The following ARHGAP10 variants were observed in gnomAD, a reference collection of about 807,000 sequenced individuals.
ARHGAP10 encodes Rho GTPase activating protein 10.
In ARHGAP10, 87 loss-of-function variants were observed where a neutral mutation model predicts 108.6. The ratio of observed to expected loss-of-function variants is 0.80; its 90% confidence interval spans 0.67 to 0.96. ARHGAP10 has a LOEUF of 0.96. Among genes scored for constraint, ARHGAP10 ranks in the 40% least tolerant of loss-of-function variants. The pLI, the probability that ARHGAP10 is intolerant of heterozygous loss-of-function variation, is 0.00. For synonymous variants in ARHGAP10, 347 were observed against 341.1 expected, an observed-to-expected ratio of 1.02 and a Z score of -0.19; for missense variants, 939 against 954.5, an observed-to-expected ratio of 0.98 and a Z score of 0.21.
chr4:147,893,494 T>C (rs1268752468), intron 10 of ARHGAP10, among the ~76,000 whole-genome samples: 1 of 147,684 alleles, frequency 6.8e-6, no homozygotes, highest in African/African-American at 2.5e-5. Context: ...GAAATACATA[T>C]TTCAATAAAA....
At chr4:147,812,446 A>G (rs1337599115) in intron 1 of ARHGAP10, among the ~76,000 whole-genome samples, 2 of 151,822 alleles carry the variant, frequency 1.3e-5, no homozygotes, top group East Asian at 3.9e-4. Flanking sequence ...CAGCACATTC[A>G]TTTTCTAACA....
chr4:147,907,704 C>A (rs1356623504), intron 11 of ARHGAP10, among the ~76,000 whole-genome samples: 1 of 152,100 alleles, frequency 6.6e-6, no homozygotes, highest in Non-Finnish European at 1.5e-5. Flanking sequence ...AAAATGAAAA[C>A]CTAAATTAAC....
chr4:147,971,469 G>A (rs1276234363), intron 18 of ARHGAP10, among the ~76,000 whole-genome samples: 1 of 152,126 alleles, frequency 6.6e-6, no homozygotes, highest in Non-Finnish European at 1.5e-5. Context: ...AGAAAGTGGC[G>A]GAGACTTCAG....
chr4:148,068,193 T>TGG lies in ARHGAP10; in HGVS notation c.2272+3688_2272+3689dup, dbSNP rs1272632582. Among the ~76,000 whole-genome samples, 3 of 152,120 alleles carry TGG rather than the reference T, an allele frequency of 2.0e-5. No homozygotes were observed. In the East Asian group the frequency reaches 5.8e-4, roughly 30 times the overall value. On this transcript the variant is annotated intron_variant, in intron 22 of 22. Transcript: ENST00000336498. The stretch of plus-strand genomic sequence containing the variant: ...GTGGTTGCCTCCTCAGGGGCAGGGT[T>TGG]GGGAGGGGTGCTGAGGCAGGTGGTT...
At chr4:147,978,789 A>C (rs1376952724) in intron 18 of ARHGAP10, among the ~76,000 whole-genome samples, 1 of 152,074 alleles carries the variant, frequency 6.6e-6, no homozygotes, top group Non-Finnish European at 1.5e-5. Flanking sequence ...TTGTGGTTTC[A>C]ATTTGCATTT....
Position 147,884,635 on chromosome 4 carries a change from CAG to C in ARHGAP10, c.1034+2706_1034+2707del, listed in dbSNP as rs573340124. 1.3e-3 allele frequency among the ~76,000 whole-genome samples: 204 copies of C among 152,252 alleles called. 1 individual carries two copies. Among genetic ancestry groups the C allele is most frequent in the Non-Finnish European group, 2.6e-3 (178 of 68,024 alleles). ...GTTTAGGTGGCTAAATAAAGGCACACAGAGGATCTGACATCTAAATTCATAAA... is the reference window on the plus strand; with the variant it reads ...GTTTAGGTGGCTAAATAAAGGCACACAGGATCTGACATCTAAATTCATAAA... On this transcript the variant is annotated intron_variant, in intron 10 of 22. Coordinates refer to ENST00000336498, the MANE Select transcript of ARHGAP10 (RefSeq NM_024605.4).
chr4:147,966,833 T>C lies in ARHGAP10; in HGVS notation c.1710T>C (p.His570=), dbSNP rs764347225. The C allele has an allele frequency of 2.5e-6, 4 of 1,572,846 alleles. No homozygotes were observed. The highest frequency in any genetic ancestry group is 2.3e-5 in the East Asian group (1 of 44,266). Residue 570 remains histidine, a synonymous_variant, in exon 18 of 23, where the codon CAT becomes CAC. Transcript: ENST00000336498. ...NIVVEILIEN[H]EKIFRTPPDT... The stretch of plus-strand genomic sequence containing the variant: ...TTGTGGAAATCTTAATTGAAAACCA[T>C]GAAAAGGTAAAATTTTTTTTTTCTT...
At chr4:147,894,954 C>T (rs1262111004) in intron 10 of ARHGAP10, among the ~76,000 whole-genome samples, 1 of 152,146 alleles carries the variant, frequency 6.6e-6, no homozygotes, top group African/African-American at 2.4e-5. Flanking sequence ...GTCCTCTGTT[C>T]TTTTTAAAAC....
At chr4:148,033,304 T>C (rs1373721094) in intron 19 of ARHGAP10, among the ~76,000 whole-genome samples, 6 of 152,252 alleles carry the variant, frequency 3.9e-5, no homozygotes, top group Non-Finnish European at 8.8e-5. Flanking sequence ...TGCAGATGTC[T>C]TACTCATCAC....
At chr4:147,828,780 C>G (rs1394506427) in intron 3 of ARHGAP10, among the ~76,000 whole-genome samples, 1 of 152,076 alleles carries the variant, frequency 6.6e-6, no homozygotes, top group Admixed American at 6.6e-5. Flanking sequence ...AGAAGTAGAG[C>G]AATTGCCAGT....
intron 13 of ARHGAP10, among the ~76,000 whole-genome samples, chr4:147,921,718 G>A (rs1282757040): frequency 6.6e-6 from 1 of 152,142 alleles, no homozygotes; most frequent in Non-Finnish European, 1.5e-5. Flanking sequence ...AGACTCAGAA[G>A]TGTTCATGGC....
At chr4:148,064,949 C>T (rs888540255) in intron 22 of ARHGAP10, among the ~76,000 whole-genome samples, 1 of 152,184 alleles carries the variant, frequency 6.6e-6, no homozygotes, top group Non-Finnish European at 1.5e-5. Context: ...ATTTCTCTTA[C>T]CATTTTTGTG....
chr4:147,992,360 C>G (rs1269706795), intron 18 of ARHGAP10, among the ~76,000 whole-genome samples: 1 of 152,138 alleles, frequency 6.6e-6, no homozygotes, highest in Non-Finnish European at 1.5e-5. Flanking sequence ...TCTGCTCCCT[C>G]TATTTGTCTT....
chr4:147,886,143 A>G (rs566418208), intron 10 of ARHGAP10, among the ~76,000 whole-genome samples: 22 of 152,354 alleles, frequency 1.4e-4, no homozygotes, highest in Non-Finnish European at 1.2e-4. Context: ...CTCATTTCGT[A>G]TGTGCAAATA....
chr4:147,980,391 T>C (rs2149626596), intron 18 of ARHGAP10, among the ~76,000 whole-genome samples: 1 of 152,344 alleles, frequency 6.6e-6, no homozygotes, highest in Admixed American at 6.5e-5. Context: ...TAAAGCCTAC[T>C]TGATCATGGC....
In ARHGAP10 at chr4:147,805,879, G is replaced by A. The variant is rs114221034; in HGVS notation, c.155-16848G>A. Among the ~76,000 whole-genome samples, 694 of 152,136 alleles carry A rather than the reference G, an allele frequency of 4.6e-3. 3 individuals are homozygous for A. Among genetic ancestry groups the A allele is most frequent in the Non-Finnish European group, 7.8e-3 (529 of 67,994 alleles). On this transcript the variant is annotated intron_variant, in intron 1 of 22. Transcript: ENST00000336498. The stretch of plus-strand genomic sequence containing the variant: ...ATATTGCATACAGTGTGGATAACAC[G>A]CCTATGAAACTTTATGCTAACACAA...
chr4:147,927,600 T>G (rs1320413971), intron 13 of ARHGAP10, among the ~76,000 whole-genome samples: 1 of 152,164 alleles, frequency 6.6e-6, no homozygotes, highest in African/African-American at 2.4e-5. Flanking sequence ...CAGAACAAGG[T>G]AGGATAAACC....
chr4:147,752,227 C>T (rs555147932), intron 1 of ARHGAP10, among the ~76,000 whole-genome samples: 2 of 152,220 alleles, frequency 1.3e-5, no homozygotes, highest in Non-Finnish European at 2.9e-5. Flanking sequence ...GTCATTGATA[C>T]AGTATTTCAC....
chr4:147,991,016 A>G (rs1029576323), intron 18 of ARHGAP10, among the ~76,000 whole-genome samples: 4 of 152,220 alleles, frequency 2.6e-5, no homozygotes, highest in Non-Finnish European at 2.9e-5. Flanking sequence ...CCCTGTCTCA[A>G]TAGAAAAACA....
Sources: allele counts gnomAD v4.1 joint callset (sites outside exome capture counted in the v4.1 genomes callset), GRCh38; gene constraint gnomAD v4.1.1; transcripts MANE v1.5; gene names NCBI Gene and HGNC (gene_info 2026-07-23, HGNC 2026-07-21).